The following SERPINA5 variants were observed in gnomAD, a reference collection of about 807,000 sequenced individuals.
The protein encoded by SERPINA5 is plasma serine protease inhibitor.
SERPINA5 carries 25 observed loss-of-function variants against 25.3 expected under a neutral mutation model. That is an observed-to-expected ratio of 0.99 (90% confidence interval 0.72 to 1.38). The LOEUF (loss-of-function observed/expected upper bound fraction) is 1.38, where lower values mean the gene tolerates loss of function less well. Ranked by LOEUF, SERPINA5 falls within the 40% of genes most tolerant of loss-of-function variation. SERPINA5 has a pLI of 0.00. For synonymous variants in SERPINA5, 234 were observed against 206.2 expected (o/e 1.14, Z -1.16); for missense variants, 599 against 509.5 (o/e 1.18, Z -1.69).
Position 94,590,190 on chromosome 14 carries a change from G to T in SERPINA5, c.769G>T (p.Val257Phe), listed in dbSNP as rs1427959004. The T allele has an allele frequency of 3.7e-6, 6 of 1,613,968 alleles. No individual in the cohort carries two copies. The highest frequency in any genetic ancestry group is 4.2e-6 in the Non-Finnish European group (5 of 1,180,004). ...DRNLSCRVVG[V>F]PYQGNATALF... ...GAACCTCTCCTGCAGGGTGGTGGGG[G>T]TCCCCTACCAAGGCAATGCCACGGC... Residue 257 changes from valine (V) to phenylalanine (F), a missense_variant, in exon 4 of 6, where the codon GTC becomes TTC. Coordinates refer to ENST00000329597, the MANE Select transcript of SERPINA5 (RefSeq NM_000624.6).
At position 94,592,089 on chromosome 14, in the gene SERPINA5, G is replaced by T; in HGVS notation, c.1071G>T (p.Glu357Asp). 1.2e-6 allele frequency: 2 copies of T among 1,613,884 alleles called. No homozygotes were observed. Among genetic ancestry groups the T allele is most frequent in the Non-Finnish European group, 1.7e-6 (2 of 1,179,848 alleles). Residue 357 changes from glutamate (E) to aspartate (D), a missense_variant, in exon 6 of 6, where the codon GAG becomes GAT. Transcript: ENST00000329597. Reference sequence around the variant, plus strand: ...ACAAAGCTGTGGTGGAGGTGGACGAGTCGGGAACCAGAGCAGCGGCAGCCA... The same window carrying T: ...ACAAAGCTGTGGTGGAGGTGGACGATTCGGGAACCAGAGCAGCGGCAGCCA... ...MVHKAVVEVD[E>D]SGTRAAAATG...
chr14:94,581,537 G>C (rs1194805723), intron 1 of SERPINA5, 47 bp downstream of exon 1: 1 of 152,408 alleles, frequency 6.6e-6, no homozygotes. Flanking sequence ...TTGAGGGCAT[G>C]TGAGGCGAGG....
At position 94,592,920 on chromosome 14, in the gene SERPINA5, C is replaced by T. The variant is rs1339142584; in HGVS notation, c.*681C>T. On this transcript the variant is annotated 3_prime_UTR_variant, in exon 6 of 6. Coordinates refer to ENST00000329597, the MANE Select transcript of SERPINA5 (RefSeq NM_000624.6). Reference sequence around the variant, plus strand: ...AGTGCCATTCATCCTTTAAGAAAAACATCTGGATATCAAGGTGGAAATGGC... The same window carrying T: ...AGTGCCATTCATCCTTTAAGAAAAATATCTGGATATCAAGGTGGAAATGGC... The T allele has an allele frequency of 6.6e-6, 1 of 152,168 alleles. No individual in the cohort carries two copies. Among genetic ancestry groups the T allele is most frequent in the African/African-American group, 2.4e-5 (1 of 41,418 alleles). The allele number at this position is 152,168 out of a possible 1,614,324, so 9.4% of individuals were successfully genotyped here. A position where few individuals can be genotyped will look rare whatever the true frequency, so the allele number is the denominator to read the frequency against.
chr14:94,592,365 T>C lies in SERPINA5; in HGVS notation c.*126T>C, dbSNP rs1315665146. ...TAGTTGACTAATGAGGCATTACAAA[T>C]AATATTACTCTATGATGATTGCTTC... On this transcript the variant is annotated 3_prime_UTR_variant, in exon 6 of 6. Transcript: ENST00000329597. 2 of 917,332 alleles carry C rather than the reference T, an allele frequency of 2.2e-6. No individual in the cohort carries two copies. Among genetic ancestry groups the C allele is most frequent in the East Asian group, 2.5e-5 (1 of 40,698 alleles). The allele number at this position is 917,332 out of a possible 1,614,324, so 56.8% of individuals were successfully genotyped here. A position where few individuals can be genotyped will look rare whatever the true frequency, so the allele number is the denominator to read the frequency against.
At chr14:94,588,438 G>A (rs1885167100) in intron 3 of SERPINA5, among the ~76,000 whole-genome samples, 1 of 152,102 alleles carries the variant, frequency 6.6e-6, no homozygotes, top group South Asian at 2.1e-4. Context: ...ACAAATGCTT[G>A]TTCCTCTGAA....
intron 2 of SERPINA5, among the ~76,000 whole-genome samples, chr14:94,584,068 A>G (rs951655025): frequency 6.6e-5 from 10 of 152,216 alleles, no homozygotes; most frequent in African/African-American, 2.4e-4. Context: ...GTAGAGAAGT[A>G]TAAATGAGCT....
intron 2 of SERPINA5, chr14:94,587,104 A>C: frequency 2.2e-6 from 1 of 455,306 alleles, no homozygotes; most frequent in Non-Finnish European, 3.9e-6. Flanking sequence ...CCTGGCAGCC[A>C]GACCCCTGCC....
intron 4 of SERPINA5, 138 bp from the exon 5 acceptor site, chr14:94,590,611 C>G (rs1885247209): frequency 9.8e-7 from 1 of 1,023,976 alleles, no homozygotes; most frequent in African/African-American, 1.6e-5. Flanking sequence ...GAGCCATAAC[C>G]ACCATTGTTC....
Position 94,590,113 on chromosome 14 carries a change from T to C in SERPINA5, c.692T>C (p.Val231Ala), listed in dbSNP as rs756128742. ...QDFYVTSETVVRVPMMSREDQ... is the reference protein window; with the variant it reads ...QDFYVTSETVARVPMMSREDQ... ...TTCTACGTGACCTCGGAGACTGTGGTGCGGGTACCCATGATGAGCCGCGAG... is the reference window on the plus strand; with the variant it reads ...TTCTACGTGACCTCGGAGACTGTGGCGCGGGTACCCATGATGAGCCGCGAG... The change falls in exon 4 of 6, where the codon GTG becomes GCG. Residue 231 changes from valine (V) to alanine (A), a missense_variant. By Grantham distance (64) the Val-to-Ala change is moderately conservative. Coordinates refer to ENST00000329597, the MANE Select transcript of SERPINA5 (RefSeq NM_000624.6). 1.7e-5 allele frequency: 27 copies of C among 1,613,806 alleles called. No homozygotes were observed. The highest frequency in any genetic ancestry group is 8.5e-7 in the Non-Finnish European group (1 of 1,179,922).
chr14:94,591,363 A>C (rs1402029364), intron 5 of SERPINA5, among the ~76,000 whole-genome samples: 1 of 106,530 alleles, frequency 9.4e-6, no homozygotes, highest in Non-Finnish European at 2.0e-5. Flanking sequence ...CTTCCACTCC[A>C]CTCCATTCCA....
chr14:94,586,046 A>G (rs1260641531), intron 2 of SERPINA5, among the ~76,000 whole-genome samples: 2 of 152,202 alleles, frequency 1.3e-5, no homozygotes, highest in African/African-American at 2.4e-5. Context: ...CAGTGGCTTC[A>G]GAGCCTGAGC....
Position 94,592,149 on chromosome 14 carries a change from G to A in SERPINA5, c.1131G>A (p.Leu377=). Residue 377 remains leucine, a synonymous_variant, in exon 6 of 6, where the codon CTG becomes CTA. Coordinates refer to ENST00000329597, the MANE Select transcript of SERPINA5 (RefSeq NM_000624.6). ...GTIFTFRSAR[L]NSQRLVFNRP... ...TATTCACTTTCAGGTCGGCCCGCCT[G>A]AACTCTCAGAGGCTAGTGTTCAACA... The A allele has an allele frequency of 6.2e-7, 1 of 1,614,150 alleles. No homozygotes were observed. The highest frequency in any genetic ancestry group is 8.5e-7 in the Non-Finnish European group (1 of 1,180,022).
At chr14:94,582,925 G>A (rs1884959875) in intron 2 of SERPINA5, among the ~76,000 whole-genome samples, 1 of 152,226 alleles carries the variant, frequency 6.6e-6, no homozygotes, top group Admixed American at 6.5e-5. Flanking sequence ...GCAAAAGCCT[G>A]CAGCCTATGC....
At chr14:94,586,005 G>A (rs1034600189) in intron 2 of SERPINA5, among the ~76,000 whole-genome samples, 1 of 152,152 alleles carries the variant, frequency 6.6e-6, no homozygotes. Flanking sequence ...CACACTACAA[G>A]GACACAGCAG....
intron 2 of SERPINA5, among the ~76,000 whole-genome samples, chr14:94,583,166 A>T (rs572385913): frequency 1.3e-5 from 2 of 152,376 alleles, no homozygotes; most frequent in African/African-American, 4.8e-5. Context: ...TATCTGAAAC[A>T]CAGGAGTTGG....
intron 3 of SERPINA5, 141 bp from the exon 4 acceptor site, chr14:94,589,900 T>G: frequency 1.3e-6 from 1 of 748,008 alleles, no homozygotes; most frequent in Non-Finnish European, 2.1e-6. Flanking sequence ...ATTCAAGAGG[T>G]TCAACAGTCA....
chr14:94,591,579 A>ATTCTATTCTATTCTATTCTATTCTATTC (rs1885300315), intron 5 of SERPINA5, among the ~76,000 whole-genome samples: 10 of 149,876 alleles, frequency 6.7e-5, no homozygotes, highest in African/African-American at 1.2e-4. Flanking sequence ...ATTCTATTCT[A>ATTCTATTCTATTCTATTCTATTCTATTC]TTCTATTCTA....
At position 94,587,975 on chromosome 14, in the gene SERPINA5, T is replaced by A; in HGVS notation, c.613T>A (p.Phe205Ile). Residue 205 changes from phenylalanine to isoleucine, a missense_variant, in exon 3 of 6, where the codon TTT becomes ATT. By Grantham distance (21) the Phe-to-Ile change is conservative (BLOSUM62 0). Transcript: ENST00000329597. ...CGTGATCATGGTGAATTACATCTTC[T>A]TTAAAGGTAAGGCCCTTGGGCCCAA... ...AVVIMVNYIF[F>I]KAKWETSFNH... 1.2e-6 allele frequency: 2 copies of A among 1,613,216 alleles called. No homozygotes were observed. Among genetic ancestry groups the A allele is most frequent in the Non-Finnish European group, 1.7e-6 (2 of 1,179,338 alleles).
chr14:94,590,639 T>G, intron 4 of SERPINA5, 110 bp from the exon 5 acceptor site: 1 of 1,309,132 alleles, frequency 7.6e-7, no homozygotes, highest in East Asian at 2.4e-5. Flanking sequence ...TAAGGAGTCC[T>G]TTTTTAAAAC....
Sources: gnomAD v4.1 joint callset for allele counts (sites outside exome capture counted in the v4.1 genomes callset) on GRCh38, gnomAD v4.1.1 for gene constraint, MANE v1.5 for transcripts, NCBI Gene and HGNC (gene_info 2026-07-23, HGNC 2026-07-21) for gene names.